The following MVP variants were observed in gnomAD, a reference collection of about 807,000 sequenced individuals.
MVP encodes major vault protein.
MVP carries 62 observed loss-of-function variants against 83.5 expected under a neutral mutation model. The observed-to-expected ratio is 0.74, with a 90% CI of 0.61 to 0.92. The LOEUF (loss-of-function observed/expected upper bound fraction) is 0.92. MVP is among the 40% of genes least tolerant of loss of function. The pLI, the probability that MVP is intolerant of heterozygous loss-of-function variation, is 0.00. For missense variants in MVP, 1,000 were observed against 1,203.4 expected (o/e 0.83, Z 2.50); for synonymous variants, 505 against 504.1 (o/e 1.00, Z -0.02).
At position 29,844,591 on chromosome 16, in the gene MVP, G is replaced by A. The variant is rs775070966; in HGVS notation, c.1733G>A (p.Arg578Gln). The change falls in exon 11 of 15, where the codon CGG (arginine) becomes CAG (glutamine). Residue 578 changes from arginine to glutamine, a missense_variant. Physicochemically the swap from Arg to Gln is conservative, Grantham distance 43. Transcript: ENST00000357402. ...VGDACKAIAS[R>Q]VRGAVASVTF... ...GATGCCTGCAAAGCCATCGCATCCC[G>A]GGTGCGGGGGGCCGTGGCCTCTGTC... 1.8e-5 allele frequency: 29 copies of A among 1,613,110 alleles called. No individual in the cohort carries two copies. Among genetic ancestry groups the A allele is most frequent in the South Asian group, 4.4e-5 (4 of 90,844 alleles).
At position 29,844,649 on chromosome 16, in the gene MVP, C is replaced by T; in HGVS notation, c.1791C>T (p.Arg597=). ...ATGACTTCCATAAGAACTCAGCCCGCATCATTCGCACTGCTGTCTTTGGCT... is the reference window on the plus strand; with the variant it reads ...ATGACTTCCATAAGAACTCAGCCCGTATCATTCGCACTGCTGTCTTTGGCT... ...TFDDFHKNSA[R]IIRTAVFGFE... Residue 597 remains arginine, a synonymous_variant, in exon 11 of 15, where the codon CGC becomes CGT. Transcript: ENST00000357402. The T allele has an allele frequency of 1.2e-6, 2 of 1,614,178 alleles. No individual in the cohort carries two copies. The highest frequency in any genetic ancestry group is 8.5e-7 in the Non-Finnish European group (1 of 1,180,000).
Position 29,847,285 on chromosome 16 carries a change from A to T in MVP, c.2354A>T (p.Gln785Leu). 1.2e-6 allele frequency: 2 copies of T among 1,613,520 alleles called. No individual in the cohort carries two copies. Among genetic ancestry groups the T allele is most frequent in the Non-Finnish European group, 1.7e-6 (2 of 1,179,904 alleles). Residue 785 changes from glutamine to leucine, a missense_variant, in exon 14 of 15, where the codon CAG becomes CTG. Coordinates refer to ENST00000357402, the MANE Select transcript of MVP (RefSeq NM_005115.5). ...AQLELEVSKA[Q>L]QLAEVEVKKF... ...CTGGAGCTGGAGGTGAGCAAGGCTC[A>T]GCAGCTGGCTGAGGTGGAGGTGAAG...
At chr16:29,842,328 C>T (rs1247147254) in intron 10 of MVP, among the ~76,000 whole-genome samples, 8 of 151,518 alleles carry the variant, frequency 5.3e-5, no homozygotes, top group South Asian at 2.1e-4. Flanking sequence ...TTTTTGAGAC[C>T]GAGTTTCACT....
At chr16:29,832,629 T>A (rs1184903799) in intron 3 of MVP, among the ~76,000 whole-genome samples, 1 of 133,806 alleles carries the variant, frequency 7.5e-6, no homozygotes. Flanking sequence ...GATCTCCCCC[T>A]GTTGCCTAGA....
intron 12 of MVP, 77 bp from the exon 13 acceptor site, chr16:29,846,080 CA>C (rs2067582596): frequency 6.2e-6 from 10 of 1,604,786 alleles, no homozygotes; most frequent in Non-Finnish European, 8.5e-7. Flanking sequence ...TGAGACAGTG[CA>C]CGGCTACAGC....
At position 29,840,309 on chromosome 16, in the gene MVP, G is replaced by A. The variant is rs760170683; in HGVS notation, c.1041G>A (p.Glu347=). ...LQPLEEGEDE[E]KVSHQAGDHW... ...CCCTGGAGGAGGGGGAGGATGAGGA[G>A]AAGGTCTCACACCAGGCTGGGGACC... is the stretch of plus-strand genomic sequence containing the variant. Residue 347 remains glutamate, a synonymous_variant, in exon 8 of 15, where the codon GAG becomes GAA. Transcript: ENST00000357402. 6.2e-6 allele frequency: 10 copies of A among 1,613,182 alleles called. No homozygotes were observed. Among genetic ancestry groups the A allele is most frequent in the Non-Finnish European group, 7.6e-6 (9 of 1,179,700 alleles).
chr16:29,846,448 C>T (rs2067586818), intron 13 of MVP, among the ~76,000 whole-genome samples, 164 bp downstream of exon 13: 1 of 152,242 alleles, frequency 6.6e-6, no homozygotes, highest in Non-Finnish European at 1.5e-5. Context: ...TCATTGACTC[C>T]ATTGCTGGAA....
At position 29,847,837 on chromosome 16, in the gene MVP, A is replaced by G. The variant is rs1403176372; in HGVS notation, c.2530A>G (p.Thr844Ala). Residue 844 changes from threonine to alanine, a missense_variant, in exon 15 of 15, where the codon ACA (threonine) becomes GCA (alanine). By Grantham distance (58) the Thr-to-Ala change is moderately conservative. Transcript: ENST00000357402. ...CTCCACTCCCATCAACCTCTTCAAC[A>G]CAGCCTTTGGGCTGCTGGGGATGGG... ...DGSTPINLFN[T>A]AFGLLGMGPE... 6.2e-7 allele frequency: 1 copy of G among 1,614,072 alleles called. No individual in the cohort carries two copies. Among genetic ancestry groups the G allele is most frequent in the South Asian group, 1.1e-5 (1 of 91,070 alleles).
At chr16:29,847,406 G>A (rs965646383) in intron 14 of MVP, 21 bp downstream of exon 14, 2 of 1,523,818 alleles carry the variant, frequency 1.3e-6, no homozygotes, top group East Asian at 2.3e-5. Context: ...GGGAAGGTGT[G>A]TTGGTTTCAG....
intron 1 of MVP, among the ~76,000 whole-genome samples, chr16:29,825,770 G>A (rs2067400771): frequency 6.6e-6 from 1 of 152,190 alleles, no homozygotes; most frequent in South Asian, 2.1e-4. Flanking sequence ...TGTGGGGGGT[G>A]TTGGGGAGAT....
chr16:29,840,608 G>A (rs2067527227), intron 8 of MVP, 149 bp downstream of exon 8: 1 of 906,482 alleles, frequency 1.1e-6, no homozygotes, highest in Admixed American at 2.9e-5. Flanking sequence ...GGCACTACGT[G>A]GAGTGTTTGC....
Position 29,833,753 on chromosome 16 carries a change from G to A in MVP, c.342G>A (p.Val114=), listed in dbSNP as rs773544166. 1 of 1,613,928 alleles carries A rather than the reference G, an allele frequency of 6.2e-7. No homozygotes were observed. Among genetic ancestry groups the A allele is most frequent in the African/African-American group, 1.3e-5 (1 of 74,862 alleles). The change falls in exon 4 of 15, where the codon GTG becomes GTA. Residue 114 remains valine (V), a synonymous_variant. Coordinates refer to ENST00000357402, the MANE Select transcript of MVP (RefSeq NM_005115.5). The part of the protein sequence containing the change: ...VLEKDITPLQ[V]VLPNTALHLK... ...ACTAGGACATCACACCCCTGCAGGTGGTTCTGCCCAACACTGCCCTCCATC... is the reference window on the plus strand; with the variant it reads ...ACTAGGACATCACACCCCTGCAGGTAGTTCTGCCCAACACTGCCCTCCATC...
intron 7 of MVP, 180 bp from the exon 8 acceptor site, chr16:29,839,998 G>A (rs984362136): frequency 2.1e-5 from 12 of 570,422 alleles, no homozygotes; most frequent in Middle Eastern, 4.6e-4. Context: ...TTTGGCAGGC[G>A]TTTGTGTAGA....
At chr16:29,824,225 A>AC (rs2067388869) in intron 1 of MVP, among the ~76,000 whole-genome samples, 1 of 140,246 alleles carries the variant, frequency 7.1e-6, no homozygotes, top group East Asian at 2.2e-4. Flanking sequence ...AAAAAAAAAA[A>AC]AAAAAAAAAA....
In MVP at chr16:29,840,369, A is replaced by T. The variant is rs577070232; in HGVS notation, c.1101A>T (p.Pro367=). ...TCCGCGGACCCCTGGAGTATGTGCC[A>T]TCTGCCAAAGTGGAGGTGGTGGAGG... ...WLIRGPLEYV[P]SAKVEVVEER... is the part of the protein sequence containing the mutation. The change falls in exon 8 of 15, where the codon CCA becomes CCT. Residue 367 remains proline, a synonymous_variant. Coordinates refer to ENST00000357402, the MANE Select transcript of MVP (RefSeq NM_005115.5). The T allele has an allele frequency of 2.6e-5, 42 of 1,603,854 alleles. No homozygotes were observed. Among genetic ancestry groups the T allele is most frequent in the Middle Eastern group, 1.7e-4 (1 of 6,052 alleles).
intron 7 of MVP, among the ~76,000 whole-genome samples, chr16:29,837,367 A>G (rs186745451): frequency 7.7e-4 from 117 of 152,370 alleles, no homozygotes; most frequent in African/African-American, 2.5e-3. Context: ...CCTGTGCAGC[A>G]TGTGACTGTC....
At chr16:29,823,582 G>C (rs918473421) in intron 1 of MVP, among the ~76,000 whole-genome samples, 2 of 152,018 alleles carry the variant, frequency 1.3e-5, no homozygotes, top group South Asian at 4.1e-4. Context: ...GGCCAGGCGC[G>C]GTGGCTCACG....
At chr16:29,846,415 CAA>C in intron 13 of MVP, 131 bp downstream of exon 13, 1 of 1,330,012 alleles carries the variant, frequency 7.5e-7, no homozygotes, top group Non-Finnish European at 1.0e-6. Context: ...TTTGCATTTG[CAA>C]AGTCCTTTGC....
intron 13 of MVP, 83 bp from the exon 14 acceptor site, chr16:29,847,114 A>C: frequency 6.9e-7 from 1 of 1,439,664 alleles, no homozygotes; most frequent in South Asian, 1.2e-5. Context: ...CCTTTGAGCC[A>C]GGAGTTCAAG....
Sources: gnomAD v4.1 joint callset for allele counts (sites outside exome capture counted in the v4.1 genomes callset) on GRCh38, gnomAD v4.1.1 for gene constraint, MANE v1.5 for transcripts, NCBI Gene and HGNC (gene_info 2026-07-23, HGNC 2026-07-21) for gene names.